The following CUX2 variants were observed in gnomAD, a reference collection of about 807,000 sequenced individuals.
CUX2 encodes the protein homeobox protein cut-like 2.
A neutral mutation model predicts 144.8 loss-of-function variants in CUX2; 40 were observed. The ratio of observed to expected loss-of-function variants is 0.28; its 90% CI spans 0.21 to 0.36. The LOEUF is 0.36. Among genes scored for constraint, CUX2 ranks in the 10% least tolerant of loss-of-function variants. The probability of loss-of-function intolerance (pLI) is 1.00; values close to 1 mark genes in which losing one functional copy is unlikely to be tolerated. For synonymous variants in CUX2, 827 were observed against 875.6 expected (o/e 0.94, Z 0.98); for missense variants, 1,615 against 1,994.0 (o/e 0.81, Z 3.62).
rs1887499151 is a variant in CUX2, at chr12:111,320,992, A to G, written c.2766+217A>G. ...ATCCTGGCCAGCAAACAGCCACTTA[A>G]CTCCCCTCCTCCAGGCCCCTCCAGA... On this transcript the variant is annotated intron_variant, in intron 17 of 21. Transcript: ENST00000261726. The surrounding 1 kb of genome is among the most constrained non-coding windows in gnomAD (Gnocchi z 8.1). Among the ~76,000 whole-genome samples the G allele has an allele frequency of 6.6e-6, 1 of 151,984 alleles. No homozygotes were observed. The highest frequency in any genetic ancestry group is 1.5e-5 in the Non-Finnish European group (1 of 67,994).
At position 111,246,345 on chromosome 12, in the gene CUX2, C is replaced by A. The variant is rs77403013; in HGVS notation, c.223-17416C>A. Among the ~76,000 whole-genome samples, 1 of 152,150 alleles carries A rather than the reference C, an allele frequency of 6.6e-6. No homozygotes were observed. The highest frequency in any genetic ancestry group is 1.5e-5 in the Non-Finnish European group (1 of 68,018). On this transcript the variant is annotated intron_variant, in intron 3 of 21. Transcript: ENST00000261726. The surrounding 1 kb of genome is among the most constrained non-coding windows in gnomAD (Gnocchi z 4.0). ...CTCACCAGTCAGCCACTTGTTAAAC[C>A]TTTACCAGCACAGGCACCTTCCTCA...
At chr12:111,231,683 T>C (rs1882468327) in intron 3 of CUX2, among the ~76,000 whole-genome samples, 1 of 152,262 alleles carries the variant, frequency 6.6e-6, no homozygotes, top group Non-Finnish European at 1.5e-5. Context: ...ATCAGCAATA[T>C]TTTTTAAACC....
intron 1 of CUX2, among the ~76,000 whole-genome samples, chr12:111,096,677 C>T (rs564862367): frequency 6.6e-6 from 1 of 152,276 alleles, no homozygotes; most frequent in South Asian, 2.1e-4. Context: ...GTGAGTTGAG[C>T]TGGAATTGTT....
chr12:111,198,531 G>C (rs1454075810), intron 1 of CUX2, among the ~76,000 whole-genome samples: 4 of 151,998 alleles, frequency 2.6e-5, no homozygotes, highest in Non-Finnish European at 4.4e-5. Context: ...CTAGATGCTG[G>C]AGCTATGGAG....
Position 111,171,756 on chromosome 12 carries a change from C to G in CUX2, c.64-42444C>G, listed in dbSNP as rs758594495. On this transcript the variant is annotated intron_variant, in intron 1 of 21. Coordinates refer to ENST00000261726, the MANE Select transcript of CUX2 (RefSeq NM_015267.4). The surrounding 1 kb of genome is among the most constrained non-coding windows in gnomAD (Gnocchi z 5.0). Reference sequence around the variant, plus strand: ...ACAGGGCTCCCTGGTGAAAGAATGGCAGGGTCCCTTTTCGCCTCCCGGGGA... The same window carrying G: ...ACAGGGCTCCCTGGTGAAAGAATGGGAGGGTCCCTTTTCGCCTCCCGGGGA... Among the ~76,000 whole-genome samples the G allele has an allele frequency of 7.9e-5, 12 of 152,240 alleles. No individual in the cohort carries two copies. The highest frequency in any genetic ancestry group is 1.6e-4 in the Non-Finnish European group (11 of 68,044).
intron 1 of CUX2, among the ~76,000 whole-genome samples, chr12:111,103,268 G>A (rs1873379009): frequency 6.6e-6 from 1 of 152,182 alleles, no homozygotes; most frequent in African/African-American, 2.4e-5. Context: ...GAACGACCTG[G>A]CAGTTTCCCA....
rs1198891453 is a variant in CUX2 at position 111,190,350 on chromosome 12, C to T, written c.64-23850C>T. Reference sequence around the variant, plus strand: ...GTGCAGAGGTTCCCATTTTGCCCGTCCTAACCAGATTACAGTATGTTGCTG... The same window carrying T: ...GTGCAGAGGTTCCCATTTTGCCCGTTCTAACCAGATTACAGTATGTTGCTG... On this transcript the variant is annotated intron_variant, in intron 1 of 21. Coordinates refer to ENST00000261726, the MANE Select transcript of CUX2 (RefSeq NM_015267.4). This position sits in a 1 kb window ranked among gnomAD's most constrained non-coding sequence, Gnocchi z 4.0. Among the ~76,000 whole-genome samples, 1 of 152,180 alleles carries T rather than the reference C, an allele frequency of 6.6e-6. No homozygotes were observed. The highest frequency in any genetic ancestry group is 1.5e-5 in the Non-Finnish European group (1 of 68,036).
In CUX2 at chr12:111,304,213, G is replaced by C; in HGVS notation, c.757G>C (p.Ala253Pro). ...MTNLEKANQR[A>P]EAAQREVESL... ...CACACTGTCCCCTTCTCCCCAGCGA[G>C]CTGAGGCTGCCCAGCGGGAGGTGGA... Residue 253 changes from alanine (A) to proline (P), a missense_variant, in exon 10 of 22, where the codon GCT becomes CCT. Transcript: ENST00000261726. This position sits in a 1 kb window ranked among gnomAD's most constrained non-coding sequence, Gnocchi z 4.7. The C allele has an allele frequency of 6.2e-7, 1 of 1,612,740 alleles. No homozygotes were observed. Among genetic ancestry groups the C allele is most frequent in the Non-Finnish European group, 8.5e-7 (1 of 1,179,464 alleles).
chr12:111,149,255 T>G (rs1213123129), intron 1 of CUX2, among the ~76,000 whole-genome samples: 1 of 152,166 alleles, frequency 6.6e-6, no homozygotes, highest in Non-Finnish European at 1.5e-5. Flanking sequence ...TCTTAAAACA[T>G]CATGAGTTTT....
At chr12:111,119,750 G>A (rs749619540) in intron 1 of CUX2, among the ~76,000 whole-genome samples, 4 of 152,100 alleles carry the variant, frequency 2.6e-5, no homozygotes, top group African/African-American at 7.2e-5. Context: ...AATAAATAAC[G>A]TTTACTATTG....
At chr12:111,040,079 G>A (rs984469109) in intron 1 of CUX2, among the ~76,000 whole-genome samples, 1 of 152,000 alleles carries the variant, frequency 6.6e-6, no homozygotes, top group Non-Finnish European at 1.5e-5. Flanking sequence ...TTGAGGCCAG[G>A]AGTTTGAGAC....
rs562138089 is a variant in CUX2 at position 111,186,692 on chromosome 12, C to T, written c.64-27508C>T. On this transcript the variant is annotated intron_variant, in intron 1 of 21. Transcript: ENST00000261726. The surrounding 1 kb of genome is among the most constrained non-coding windows in gnomAD (Gnocchi z 4.4). ...ACCTTGCCACTCTGAGCCTCTGTTT[C>T]CTTCTCTGCGAAGTGGAGATGGTGA... is the stretch of plus-strand genomic sequence containing the variant. Among the ~76,000 whole-genome samples, 1 of 152,184 alleles carries T rather than the reference C, an allele frequency of 6.6e-6. No individual in the cohort carries two copies. The highest frequency in any genetic ancestry group is 1.5e-5 in the Non-Finnish European group (1 of 68,034).
chr12:111,347,487 C>A (rs1888854991), intron 21 of CUX2, 37 bp from the exon 22 acceptor site: 1 of 1,538,056 alleles, frequency 6.5e-7, no homozygotes. Flanking sequence ...TGGGAGTCCC[C>A]TGTCCAGCCC....
chr12:111,106,664 A>G (rs1873623381), intron 1 of CUX2, among the ~76,000 whole-genome samples: 1 of 152,262 alleles, frequency 6.6e-6, no homozygotes, highest in African/African-American at 2.4e-5. Flanking sequence ...AAGGGGTGAT[A>G]GATTTTGACT....
Position 111,287,310 on chromosome 12 carries a change from T to C in CUX2, c.302-4108T>C, listed in dbSNP as rs1423659803. Among the ~76,000 whole-genome samples the C allele has an allele frequency of 6.6e-6, 1 of 152,252 alleles. No homozygotes were observed. Among genetic ancestry groups the C allele is most frequent in the African/African-American group, 2.4e-5 (1 of 41,478 alleles). The stretch of plus-strand genomic sequence containing the variant: ...GCCACGAGCCGGATCCTCCCCCTCC[T>C]TGGAACCGGAGCAAGCCCTCCGTGG... On this transcript the variant is annotated intron_variant, in intron 4 of 21. Coordinates refer to ENST00000261726, the MANE Select transcript of CUX2 (RefSeq NM_015267.4). The surrounding 1 kb of genome is among the most constrained non-coding windows in gnomAD (Gnocchi z 4.2).
intron 1 of CUX2, among the ~76,000 whole-genome samples, chr12:111,140,938 GAT>G (rs774770437): frequency 5.9e-5 from 9 of 152,164 alleles, no homozygotes; most frequent in Non-Finnish European, 8.8e-5. Context: ...ACGCCTGCAG[GAT>G]ATGTTTCTCT....
chr12:111,331,122 G>C (rs115190077), intron 18 of CUX2, among the ~76,000 whole-genome samples: 1 of 151,820 alleles, frequency 6.6e-6, no homozygotes, highest in South Asian at 2.1e-4. Flanking sequence ...AGGGACAAGG[G>C]AGTTCAGAGC....
At chr12:111,078,287 A>T (rs1223926668) in intron 1 of CUX2, among the ~76,000 whole-genome samples, 2 of 152,174 alleles carry the variant, frequency 1.3e-5, no homozygotes, top group South Asian at 4.1e-4. Context: ...GAAAGAAAGG[A>T]CAAAGTGTTC....
At chr12:111,213,195 C>T (rs962136566) in intron 1 of CUX2, among the ~76,000 whole-genome samples, 3 of 152,156 alleles carry the variant, frequency 2.0e-5, no homozygotes, top group Non-Finnish European at 4.4e-5. Context: ...AGAAATGCTC[C>T]TCGAGTTATG....
Sources: gnomAD v4.1 joint callset for allele counts (sites outside exome capture counted in the v4.1 genomes callset) on GRCh38, gnomAD v4.1.1 for gene constraint, Gnocchi (gnomAD v3.1) non-coding constraint, MANE v1.5 for transcripts, NCBI Gene and HGNC (gene_info 2026-07-23, HGNC 2026-07-21) for gene names.